The following NUP93 variants were observed in gnomAD, a reference collection of about 807,000 sequenced individuals.
NUP93 encodes the protein nucleoporin 93.
A neutral mutation model predicts 107.8 loss-of-function variants in NUP93; 55 were observed. The ratio of observed to expected loss-of-function variants is 0.51; its 90% CI spans 0.41 to 0.64. NUP93 has a LOEUF of 0.64. Among genes scored for constraint, NUP93 ranks in the 30% least tolerant of loss-of-function variants. The pLI is 0.00. For synonymous variants in NUP93, 390 were observed against 397.5 expected, an observed-to-expected ratio of 0.98 and a Z score of 0.22; for missense variants, 937 against 1,044.7, an observed-to-expected ratio of 0.90 and a Z score of 1.42.
At chr16:56,793,786 G>C (rs73555601) in intron 3 of NUP93, among the ~76,000 whole-genome samples, 77 of 152,270 alleles carry the variant, frequency 5.1e-4, no homozygotes, top group African/African-American at 1.9e-3. Context: ...GCAGTATTCT[G>C]ATGTATAAAT....
In NUP93 at chr16:56,730,177, C is replaced by G. The variant is rs546247636; in HGVS notation, c.-49C>G. ...AGAAGCGGCGGCCGCGTCCTCAAGCCGGCACCTGAGCGGCGGAGACGGCTG... is the reference window on the plus strand; with the variant it reads ...AGAAGCGGCGGCCGCGTCCTCAAGCGGGCACCTGAGCGGCGGAGACGGCTG... On this transcript the variant is annotated 5_prime_UTR_variant, in exon 1 of 22. Coordinates refer to ENST00000308159, the MANE Select transcript of NUP93 (RefSeq NM_014669.5). The G allele has an allele frequency of 1.3e-5, 2 of 152,566 alleles. No individual in the cohort carries two copies. Among genetic ancestry groups the G allele is most frequent in the East Asian group, 3.8e-4 (2 of 5,204 alleles). 9.5% of individuals were successfully genotyped at this position (152,566 alleles called of 1,614,324 possible).
At chr16:56,790,613 G>A (rs149985375) in intron 3 of NUP93, among the ~76,000 whole-genome samples, 1 of 152,178 alleles carries the variant, frequency 6.6e-6, no homozygotes, top group African/African-American at 2.4e-5. Context: ...TTATCCAAGA[G>A]AAGTTTTTAG....
chr16:56,748,630 A>G (rs780448611), intron 2 of NUP93, among the ~76,000 whole-genome samples: 12 of 152,108 alleles, frequency 7.9e-5, no homozygotes, highest in Non-Finnish European at 1.8e-4. Context: ...TGCCTCACCA[A>G]GTTATGAGCT....
intron 1 of NUP93, among the ~76,000 whole-genome samples, chr16:56,740,239 G>A (rs1961702251): frequency 6.8e-6 from 1 of 146,518 alleles, no homozygotes; most frequent in Admixed American, 6.7e-5. Context: ...CGGGGCAGCT[G>A]CCGGGCGGAG....
At chr16:56,839,941 A>G (rs1963988560) in intron 20 of NUP93, 2 of 277,896 alleles carry the variant, frequency 7.2e-6, no homozygotes, top group Non-Finnish European at 1.4e-5. Context: ...CTTAACTCTG[A>G]TCATCTTTAA....
At chr16:56,766,689 G>A (rs1401076393) in intron 3 of NUP93, among the ~76,000 whole-genome samples, 6 of 152,072 alleles carry the variant, frequency 3.9e-5, no homozygotes, top group Admixed American at 2.6e-4. Context: ...TGGAATGTTC[G>A]ATCCAAAGCT....
intron 1 of NUP93, among the ~76,000 whole-genome samples, chr16:56,735,828 C>CA (rs58346838): frequency 0.37 from 39,528 of 106,640 alleles, 6,178 homozygotes; most frequent in East Asian, 0.52. Flanking sequence ...AACTCCGTCT[C>CA]AAAAAAAAAA....
chr16:56,803,257 G>A (rs560118994), intron 4 of NUP93, among the ~76,000 whole-genome samples: 3 of 152,172 alleles, frequency 2.0e-5, no homozygotes, highest in African/African-American at 4.8e-5. Flanking sequence ...TCAGGAGTTC[G>A]AGACCAGCCT....
rs1449423150 is a variant in NUP93, at chr16:56,848,953, A to G, written c.*4344A>G. 1 of 110,926 alleles carries G rather than the reference A, an allele frequency of 9.0e-6. No homozygotes were observed. The highest frequency in any genetic ancestry group is 2.7e-5 in the African/African-American group (1 of 36,532). 6.9% of individuals were successfully genotyped at this position (110,926 alleles called of 1,614,324 possible). On this transcript the variant is annotated 3_prime_UTR_variant, in exon 22 of 22. Transcript: ENST00000308159. ...GGTTCTAAGTTGCTAACCCAGGGAA[A>G]GAGGATATTTTCCTGTCCTAACCTT...
At chr16:56,810,732 GCGCCC>G (rs1274728426) in intron 5 of NUP93, among the ~76,000 whole-genome samples, 1 of 92,190 alleles carries the variant, frequency 1.1e-5, no homozygotes, top group Non-Finnish European at 2.7e-5. Context: ...AACATTACCA[GCGCCC>G]CAGAAATCCT....
At chr16:56,754,040 G>C (rs529215597) in intron 2 of NUP93, among the ~76,000 whole-genome samples, 2 of 151,886 alleles carry the variant, frequency 1.3e-5, no homozygotes, top group East Asian at 3.9e-4. Context: ...TACAGGAAGC[G>C]TGGATGGGGA....
chr16:56,837,343 A>G (rs569672161), intron 17 of NUP93, among the ~76,000 whole-genome samples: 2 of 152,190 alleles, frequency 1.3e-5, no homozygotes, highest in South Asian at 2.1e-4. Flanking sequence ...CAGGCGCATC[A>G]CTTGAGGCCA....
In NUP93 at chr16:56,832,392, A is replaced by G; in HGVS notation, c.1345+4A>G. On this transcript the variant is annotated splice_donor_region_variant and intron_variant, in intron 12 of 21. Transcript: ENST00000308159. ...AAGCAGTTGTTGGAAGACTATGGTA[A>G]GATTCTGGACATAACCACCTTTCCC... is the stretch of plus-strand genomic sequence containing the variant. 1 of 1,609,524 alleles carries G rather than the reference A, an allele frequency of 6.2e-7. No homozygotes were observed. The highest frequency in any genetic ancestry group is 8.5e-7 in the Non-Finnish European group (1 of 1,175,752).
intron 4 of NUP93, among the ~76,000 whole-genome samples, chr16:56,804,072 G>A (rs1963080170): frequency 6.6e-6 from 1 of 152,176 alleles, no homozygotes; most frequent in Non-Finnish European, 1.5e-5. Context: ...CGTATTAAGT[G>A]TTGGTGAGGA....
intron 3 of NUP93, among the ~76,000 whole-genome samples, chr16:56,770,605 C>G (rs1387299572): frequency 6.6e-6 from 1 of 152,154 alleles, no homozygotes; most frequent in Non-Finnish European, 1.5e-5. Flanking sequence ...GACTGTTGTA[C>G]TCCCCCTTGA....
intron 3 of NUP93, among the ~76,000 whole-genome samples, chr16:56,777,677 C>T (rs573158537): frequency 2.0e-5 from 3 of 152,286 alleles, no homozygotes; most frequent in East Asian, 3.9e-4. Context: ...TCATTTTCCC[C>T]GAACTTCCGT....
intron 3 of NUP93, among the ~76,000 whole-genome samples, chr16:56,774,128 G>A (rs1962370126): frequency 6.6e-6 from 1 of 152,124 alleles, no homozygotes; most frequent in Admixed American, 6.6e-5. Context: ...CATGGGAAAG[G>A]GAAGTGGGAG....
chr16:56,834,055 CTTCCATAGT>C (rs1963858282), intron 13 of NUP93, 64 bp from the exon 14 acceptor site: 1 of 1,592,118 alleles, frequency 6.3e-7, no homozygotes, highest in Non-Finnish European at 8.6e-7. Context: ...GTGGATTCAG[CTTCCATAGT>C]TTCTGGGTTG....
At chr16:56,825,627 C>T (rs1405352838) in intron 8 of NUP93, among the ~76,000 whole-genome samples, 2 of 152,116 alleles carry the variant, frequency 1.3e-5, no homozygotes, top group African/African-American at 4.8e-5. Context: ...TGGTACTGGG[C>T]TGCTTTCCTT....
Sources: allele counts gnomAD v4.1 joint callset (sites outside exome capture counted in the v4.1 genomes callset), GRCh38; gene constraint gnomAD v4.1.1; transcripts MANE v1.5; gene names NCBI Gene and HGNC (gene_info 2026-07-23, HGNC 2026-07-21).